Variants in FGF10 observed in about 807,000 individuals in gnomAD.
FGF10 encodes fibroblast growth factor 10.
FGF10 carries 2 observed loss-of-function variants against 19.8 expected under a neutral mutation model. The ratio of observed to expected loss-of-function variants is 0.10; its 90% confidence interval spans 0.04 to 0.32. FGF10 has a LOEUF of 0.32. Among genes scored for constraint, FGF10 ranks in the 10% least tolerant of loss-of-function variants. The probability of loss-of-function intolerance (pLI) is 1.00; values close to 1 mark genes in which losing one functional copy is unlikely to be tolerated. For synonymous variants in FGF10, 112 were observed against 94.0 expected, an observed-to-expected ratio of 1.19 and a Z score of -1.10; for missense variants, 191 against 246.3, an observed-to-expected ratio of 0.78 and a Z score of 1.50.
At chr5:44,344,603 T>TGTGTGTG (rs58735673) in intron 1 of FGF10, among the ~76,000 whole-genome samples, 3 of 149,252 alleles carry the variant, frequency 2.0e-5, no homozygotes, top group Admixed American at 6.7e-5. Flanking sequence ...TGTGTGTGTG[T>TGTGTGTG]TAAACCAACT....
intron 1 of FGF10, among the ~76,000 whole-genome samples, chr5:44,345,541 C>T (rs532071088): frequency 6.6e-6 from 1 of 151,462 alleles, no homozygotes; most frequent in Admixed American, 6.6e-5. Context: ...TCAAGCTTTC[C>T]TCAAAATTTC....
At position 44,365,365 on chromosome 5, in the gene FGF10, A is replaced by AAG. The variant is rs1554038980; in HGVS notation, c.325+22991_325+22992dup. 4.6e-3 allele frequency among the ~76,000 whole-genome samples: 690 copies of AAG among 151,190 alleles called. 2 individuals carry two copies. The highest frequency in any genetic ancestry group is 7.8e-3 in the Non-Finnish European group (526 of 67,658). The stretch of plus-strand genomic sequence containing the variant: ...AAATAATTTGCAAAAAAAAAAAAAA[A>AAG]AGAGAGAGGTAAAAAGCTCCTTTTT... On this transcript the variant is annotated intron_variant, in intron 1 of 2. Transcript: ENST00000264664.
intron 1 of FGF10, among the ~76,000 whole-genome samples, chr5:44,349,641 A>C (rs1454473581): frequency 6.7e-6 from 1 of 149,422 alleles, no homozygotes; most frequent in Non-Finnish European, 1.5e-5. Context: ...TTTTGAAAAT[A>C]GCTTGATATT....
chr5:44,339,699 A>G (rs1740925699), intron 1 of FGF10, among the ~76,000 whole-genome samples: 1 of 152,124 alleles, frequency 6.6e-6, no homozygotes, highest in East Asian at 1.9e-4. Context: ...TTTGACCCCT[A>G]TCTTTAATGT....
At chr5:44,333,952 C>T (rs947442641) in intron 1 of FGF10, among the ~76,000 whole-genome samples, 45 of 152,188 alleles carry the variant, frequency 3.0e-4, no homozygotes, top group African/African-American at 1.0e-3. Flanking sequence ...CTACTCTACC[C>T]CTTCAGCGTA....
At position 44,323,143 on chromosome 5, in the gene FGF10, C is replaced by T. The variant is rs76557444; in HGVS notation, c.326-12613G>A. Among the ~76,000 whole-genome samples, 51 of 152,208 alleles carry T rather than the reference C, an allele frequency of 3.4e-4. No homozygotes were observed. The East Asian group carries it at 9.1e-3, about 27-fold the overall frequency. On this transcript the variant is annotated intron_variant, in intron 1 of 2. Transcript: ENST00000264664. Reference sequence around the variant, plus strand: ...TACCAAGACTGAAGTGGTTCTTTATCCCTAAAGTCCATGGAAATGTCCTAT... The same window carrying T: ...TACCAAGACTGAAGTGGTTCTTTATTCCTAAAGTCCATGGAAATGTCCTAT...
chr5:44,304,809 G>A lies in FGF10; in HGVS notation c.*186C>T. Reference sequence around the variant, plus strand: ...TATCTTGATTATAAGACATGACACAGAACTAATTAAAAGAACATCATATGT... The same window carrying A: ...TATCTTGATTATAAGACATGACACAAAACTAATTAAAAGAACATCATATGT... On this transcript the variant is annotated 3_prime_UTR_variant, in exon 3 of 3. Coordinates refer to ENST00000264664, the MANE Select transcript of FGF10 (RefSeq NM_004465.2). 2 of 619,882 alleles carry A rather than the reference G, an allele frequency of 3.2e-6. No individual in the cohort carries two copies. The highest frequency in any genetic ancestry group is 5.8e-6 in the Non-Finnish European group (2 of 346,810). 38.4% of individuals were successfully genotyped at this position (619,882 alleles called of 1,614,324 possible).
chr5:44,312,198 AC>A (rs1212292107), intron 1 of FGF10, among the ~76,000 whole-genome samples: 1 of 52,452 alleles, frequency 1.9e-5, no homozygotes, highest in Non-Finnish European at 3.3e-5. Flanking sequence ...CCTAAGGTAC[AC>A]ACACACACAC....
chr5:44,365,350 C>CA (rs3060085), intron 1 of FGF10, among the ~76,000 whole-genome samples: 24,866 of 124,594 alleles, frequency 0.2, 3,311 homozygotes, highest in African/African-American at 0.39. Flanking sequence ...AAATAATTTG[C>CA]AAAAAAAAAA....
chr5:44,353,624 A>T (rs762466152), intron 1 of FGF10, among the ~76,000 whole-genome samples: 9 of 151,562 alleles, frequency 5.9e-5, no homozygotes, highest in Admixed American at 2.6e-4. Context: ...AATTTAAAAG[A>T]TTCTCTTAAC....
chr5:44,347,259 G>A (rs570678337), intron 1 of FGF10, among the ~76,000 whole-genome samples: 17 of 151,662 alleles, frequency 1.1e-4, no homozygotes, highest in African/African-American at 4.1e-4. Context: ...TGCCTCACTC[G>A]ACTCTCTCCT....
intron 1 of FGF10, among the ~76,000 whole-genome samples, chr5:44,384,688 C>A (rs1051629448): frequency 1.3e-5 from 2 of 152,030 alleles, no homozygotes; most frequent in Non-Finnish European, 2.9e-5. Context: ...TATGAGTTTT[C>A]AAATTTGAAA....
At chr5:44,348,456 T>C (rs1741135839) in intron 1 of FGF10, among the ~76,000 whole-genome samples, 1 of 151,474 alleles carries the variant, frequency 6.6e-6, no homozygotes, top group African/African-American at 2.4e-5. Flanking sequence ...ATCTGGATTT[T>C]ATAATCATTT....
intron 1 of FGF10, among the ~76,000 whole-genome samples, chr5:44,315,872 T>C (rs1740335015): frequency 6.6e-6 from 1 of 152,186 alleles, no homozygotes; most frequent in Non-Finnish European, 1.5e-5. Context: ...TAAATGGCTC[T>C]AAATGTGGTT....
chr5:44,304,932 A>T lies in FGF10; in HGVS notation c.*63T>A. Reference sequence around the variant, plus strand: ...CTTTCAATCTACTGTCTTCATGAAGAATATCCACTATTCTTGGCAAAAGAG... The same window carrying T: ...CTTTCAATCTACTGTCTTCATGAAGTATATCCACTATTCTTGGCAAAAGAG... On this transcript the variant is annotated 3_prime_UTR_variant, in exon 3 of 3. Coordinates refer to ENST00000264664, the MANE Select transcript of FGF10 (RefSeq NM_004465.2). The T allele has an allele frequency of 1.4e-6, 2 of 1,478,454 alleles. No homozygotes were observed. Among genetic ancestry groups the T allele is most frequent in the Non-Finnish European group, 1.9e-6 (2 of 1,056,940 alleles). 91.6% of individuals were successfully genotyped at this position (1,478,454 alleles called of 1,614,324 possible). A position where few individuals can be genotyped will look rare whatever the true frequency, so the allele number is the denominator to read the frequency against.
At chr5:44,328,904 G>A (rs1311591901) in intron 1 of FGF10, among the ~76,000 whole-genome samples, 1 of 152,160 alleles carries the variant, frequency 6.6e-6, no homozygotes, top group African/African-American at 2.4e-5. Flanking sequence ...AAGCTGAGTT[G>A]GGAGGATGTT....
intron 1 of FGF10, among the ~76,000 whole-genome samples, chr5:44,314,701 C>A (rs769113862): frequency 4.6e-5 from 7 of 152,018 alleles, no homozygotes; most frequent in Non-Finnish European, 7.4e-5. Context: ...GAGAAGGTGG[C>A]CATTCACAAG....
chr5:44,375,304 G>C (rs1427959486), intron 1 of FGF10, among the ~76,000 whole-genome samples: 7 of 152,168 alleles, frequency 4.6e-5, no homozygotes, highest in Non-Finnish European at 8.8e-5. Flanking sequence ...ATAATGCTAG[G>C]TATATGGTTT....
intron 1 of FGF10, among the ~76,000 whole-genome samples, chr5:44,349,014 C>A (rs933044786): frequency 2.0e-5 from 3 of 151,492 alleles, no homozygotes; most frequent in South Asian, 2.1e-4. Flanking sequence ...TTCCAAAACT[C>A]GTTCAAGAAA....
Sources: allele counts gnomAD v4.1 joint callset (sites outside exome capture counted in the v4.1 genomes callset), GRCh38; gene constraint gnomAD v4.1.1; transcripts MANE v1.5; gene names NCBI Gene and HGNC (gene_info 2026-07-23, HGNC 2026-07-21).